Variants in DPH6 observed in about 807,000 individuals in gnomAD.
DPH6 encodes diphthine--ammonia ligase.
A neutral mutation model predicts 38.2 loss-of-function variants in DPH6; 33 were observed. That is an observed-to-expected ratio of 0.86 (90% confidence interval 0.65 to 1.15). The LOEUF is 1.15. Among genes scored for constraint, DPH6 ranks in the 50% most tolerant of loss-of-function variants. DPH6 has a pLI of 0.00. For synonymous variants in DPH6, 108 were observed against 103.0 expected, an observed-to-expected ratio of 1.05 and a Z score of -0.30; for missense variants, 325 against 320.0, an observed-to-expected ratio of 1.02 and a Z score of -0.12.
chr15:35,545,950 A>C (rs532203146), intron 1 of DPH6, among the ~76,000 whole-genome samples, 169 bp downstream of exon 1: 4 of 149,334 alleles, frequency 2.7e-5, no homozygotes, highest in Non-Finnish European at 3.0e-5. Context: ...GCCGAGGCAC[A>C]TGCGGGCCGG....
At chr15:35,411,030 A>T (rs940509345) in intron 5 of DPH6, 134 bp from the exon 6 acceptor site, 18 of 697,250 alleles carry the variant, frequency 2.6e-5, no homozygotes, top group Non-Finnish European at 3.4e-5. Flanking sequence ...TCATAAAGTA[A>T]AATGTACTTT....
At chr15:35,373,397 A>C in intron 8 of DPH6, 124 bp downstream of exon 8, 1 of 789,926 alleles carries the variant, frequency 1.3e-6, no homozygotes, top group African/African-American at 1.8e-5. Context: ...CTGAAAAAAA[A>C]CCACTAATGA....
At chr15:35,521,624 A>AC in intron 3 of DPH6, 1 of 1,229,964 alleles carries the variant, frequency 8.1e-7, no homozygotes, top group Non-Finnish European at 1.0e-6. Context: ...CTACAAAAAA[A>AC]ATCAGGCAAT....
At chr15:35,287,324 CAT>C (rs1315572652) in intron 3 of DPH6, among the ~76,000 whole-genome samples, 3 of 152,118 alleles carry the variant, frequency 2.0e-5, no homozygotes, top group Non-Finnish European at 2.9e-5. Context: ...AGTTTAAAAA[CAT>C]ATGAGGTTTA....
the DPH6 span, among the ~76,000 whole-genome samples, chr15:35,200,195 G>A: frequency 9.2e-5 from 14 of 152,192 alleles, no homozygotes; most frequent in Non-Finnish European, 1.8e-4. Context: ...GGAACAATAC[G>A]TGGTGTTATA....
intron 3 of DPH6, among the ~76,000 whole-genome samples, chr15:35,288,566 T>C (rs2051958948): frequency 1.3e-5 from 2 of 152,218 alleles, no homozygotes; most frequent in South Asian, 4.1e-4. Context: ...AAATTACTTA[T>C]GAAGCATTTG....
the DPH6 span, among the ~76,000 whole-genome samples, chr15:35,200,200 G>A: frequency 3.9e-5 from 6 of 152,060 alleles, no homozygotes; most frequent in Non-Finnish European, 2.9e-5. Context: ...AATACGTGGT[G>A]TTATAATTTA....
rs1389475363 is a variant in DPH6, at chr15:35,402,172, G to A, written c.567+8663C>T. Reference sequence around the variant, plus strand: ...TGGTAAATTTCCCCAACAGTGTGAAGTTAGAATTCCTTCAGGGTGATGCCA... The same window carrying A: ...TGGTAAATTTCCCCAACAGTGTGAAATTAGAATTCCTTCAGGGTGATGCCA... On this transcript the variant is annotated intron_variant, in intron 6 of 8. Transcript: ENST00000256538. Among the ~76,000 whole-genome samples, 16 of 152,148 alleles carry A rather than the reference G, an allele frequency of 1.1e-4. No individual in the cohort carries two copies. The East Asian group carries it at 2.9e-3, about 28-fold the overall frequency.
intron 5 of DPH6, among the ~76,000 whole-genome samples, chr15:35,448,458 G>A (rs574875158): frequency 6.6e-6 from 1 of 152,052 alleles, no homozygotes; most frequent in East Asian, 1.9e-4. Flanking sequence ...ATTTGATTGT[G>A]AAATATCATG....
At chr15:35,370,587 T>C (rs1248064906), downstream of DPH6, among the ~76,000 whole-genome samples, 4 of 151,752 alleles carry the variant, frequency 2.6e-5, no homozygotes, top group Non-Finnish European at 5.9e-5. Context: ...GAAAAGATGT[T>C]CAACATCACA....
At chr15:35,203,943 T>C in the DPH6 span, among the ~76,000 whole-genome samples, 7 of 151,816 alleles carry the variant, frequency 4.6e-5, no homozygotes, top group Admixed American at 2.6e-4. Flanking sequence ...GGAGATCTTA[T>C]ATTATGTTTT....
chr15:35,207,701 A>G, the DPH6 span, among the ~76,000 whole-genome samples: 1 of 152,212 alleles, frequency 6.6e-6, no homozygotes, highest in African/African-American at 2.4e-5. Flanking sequence ...ATACCTTGCA[A>G]TACAGTCTAT....
chr15:35,327,177 T>TTA (rs1400056892), downstream of DPH6, among the ~76,000 whole-genome samples: 1 of 152,200 alleles, frequency 6.6e-6, no homozygotes, highest in Non-Finnish European at 1.5e-5. Flanking sequence ...ACTGGTTACA[T>TTA]TATGTGTAAT....
intron 3 of DPH6, among the ~76,000 whole-genome samples, chr15:35,291,902 C>G (rs2051982771): frequency 1.3e-5 from 2 of 151,900 alleles, no homozygotes; most frequent in Admixed American, 1.3e-4. Flanking sequence ...TTTCATACAC[C>G]ACTGTTCTCT....
Position 35,485,571 on chromosome 15 carries a change from T to C in DPH6, c.313-30751A>G, listed in dbSNP as rs558167952. On this transcript the variant is annotated intron_variant, in intron 3 of 8. Coordinates refer to ENST00000256538, the MANE Select transcript of DPH6 (RefSeq NM_080650.4). ...AATGTAGCCAGCTGTTTGTTTCAAT[T>C]ATCCATTGTTCTTCCACCAAATCAC... is the stretch of plus-strand genomic sequence containing the variant. 2.0e-5 allele frequency among the ~76,000 whole-genome samples: 3 copies of C among 152,312 alleles called. No homozygotes were observed. The South Asian group carries it at 6.2e-4, about 32-fold the overall frequency.
intron 3 of DPH6, among the ~76,000 whole-genome samples, chr15:35,310,859 G>C (rs111830633): frequency 1.1e-3 from 160 of 150,246 alleles, no homozygotes; most frequent in African/African-American, 3.9e-3. Flanking sequence ...AGACCAGCCT[G>C]ACCAACATGG....
intron 3 of DPH6, among the ~76,000 whole-genome samples, chr15:35,487,253 G>A (rs1276584570): frequency 1.3e-5 from 2 of 152,236 alleles, no homozygotes; most frequent in African/African-American, 4.8e-5. Flanking sequence ...CCACTAGGCA[G>A]TGCCCCAGTG....
chr15:35,324,629 C>T (rs2140850213), intron 3 of DPH6, among the ~76,000 whole-genome samples: 1 of 152,252 alleles, frequency 6.6e-6, no homozygotes, highest in South Asian at 2.1e-4. Context: ...AAAGTGAGAA[C>T]ATACATTGCA....
At chr15:35,395,605 T>C (rs1329747235) in intron 6 of DPH6, among the ~76,000 whole-genome samples, 1 of 152,172 alleles carries the variant, frequency 6.6e-6, no homozygotes, top group Admixed American at 6.6e-5. Context: ...TGATTCACTT[T>C]GTTGCCACGA....
Sources: gnomAD v4.1 joint callset for allele counts (sites outside exome capture counted in the v4.1 genomes callset) on GRCh38, gnomAD v4.1.1 for gene constraint, MANE v1.5 for transcripts, NCBI Gene and HGNC (gene_info 2026-07-23, HGNC 2026-07-21) for gene names.